Variants in ADAMTS12 observed in about 807,000 individuals in gnomAD.
The protein encoded by ADAMTS12 is ADAM metallopeptidase with thrombospondin type 1 motif 12, also known as A disintegrin and metalloproteinase with thrombospondin motifs 12.
Under a neutral mutation model 167.8 loss-of-function variants are expected in ADAMTS12, and 118 were observed. That is an observed-to-expected ratio of 0.70 (90% CI 0.61 to 0.82). ADAMTS12 has a LOEUF of 0.82. Among genes scored for constraint, ADAMTS12 ranks in the 40% least tolerant of loss-of-function variants. ADAMTS12 has a pLI of 0.00. For synonymous variants in ADAMTS12, 704 were observed against 716.9 expected, an observed-to-expected ratio of 0.98 and a Z score of 0.29; for missense variants, 1,916 against 1,998.8, an observed-to-expected ratio of 0.96 and a Z score of 0.79.
At chr5:33,880,460 GA>G in intron 2 of ADAMTS12, among the ~76,000 whole-genome samples, 1 of 152,292 alleles carries the variant, frequency 6.6e-6, no homozygotes, top group South Asian at 2.1e-4. Flanking sequence ...GTTGCAGTTT[GA>G]AAACAGCCAT....
At chr5:33,569,029 G>A (rs1345506306) in intron 19 of ADAMTS12, among the ~76,000 whole-genome samples, 3 of 152,234 alleles carry the variant, frequency 2.0e-5, no homozygotes, top group African/African-American at 4.8e-5. Context: ...CAAGGCGGCA[G>A]CAAGGCTGGG....
chr5:33,817,463 T>G (rs1044473784), intron 2 of ADAMTS12, among the ~76,000 whole-genome samples: 3 of 152,174 alleles, frequency 2.0e-5, no homozygotes, highest in Non-Finnish European at 4.4e-5. Flanking sequence ...TTAAACATCC[T>G]AATAGGAGTT....
intron 2 of ADAMTS12, among the ~76,000 whole-genome samples, chr5:33,756,676 C>G (rs895608257): frequency 1.2e-4 from 19 of 152,062 alleles, no homozygotes; most frequent in African/African-American, 4.3e-4. Context: ...GTGATGTCAT[C>G]AATTCATGAA....
At chr5:33,847,672 C>G (rs1749000395) in intron 2 of ADAMTS12, among the ~76,000 whole-genome samples, 1 of 151,794 alleles carries the variant, frequency 6.6e-6, no homozygotes, top group African/African-American at 2.4e-5. Flanking sequence ...AGGACTGGAT[C>G]AAACCCAGAA....
chr5:33,654,456 G>A (rs1426013837), intron 7 of ADAMTS12, among the ~76,000 whole-genome samples: 1 of 152,082 alleles, frequency 6.6e-6, no homozygotes, highest in African/African-American at 2.4e-5. Context: ...AGGGAGTGGG[G>A]CCACTGCTTC....
intron 3 of ADAMTS12, among the ~76,000 whole-genome samples, chr5:33,746,475 A>T (rs752075311): frequency 8.5e-5 from 13 of 152,232 alleles, no homozygotes; most frequent in Middle Eastern, 3.2e-3. Context: ...CGAATGTCTT[A>T]AATAAGAAGT....
At chr5:33,723,212 G>T (rs1298442980) in intron 3 of ADAMTS12, among the ~76,000 whole-genome samples, 1 of 152,074 alleles carries the variant, frequency 6.6e-6, no homozygotes, top group East Asian at 1.9e-4. Context: ...CTAATCTCAG[G>T]TCTTGTGTAA....
chr5:33,600,487 A>C (rs865946500), intron 16 of ADAMTS12, among the ~76,000 whole-genome samples: 1 of 152,242 alleles, frequency 6.6e-6, no homozygotes, highest in African/African-American at 2.4e-5. Context: ...TCAAAAATTC[A>C]GTTTAGACAA....
chr5:33,663,843 T>C (rs1472464606), intron 5 of ADAMTS12, among the ~76,000 whole-genome samples: 1 of 152,122 alleles, frequency 6.6e-6, no homozygotes, highest in African/African-American at 2.4e-5. Flanking sequence ...TTGGGAGAGG[T>C]CTCTTAGAGA....
At chr5:33,719,174 TG>T (rs1326272847) in intron 3 of ADAMTS12, among the ~76,000 whole-genome samples, 1 of 152,108 alleles carries the variant, frequency 6.6e-6, no homozygotes, top group Non-Finnish European at 1.5e-5. Context: ...GGAAGGTAGA[TG>T]GGTTGTGCCA....
chr5:33,657,055 G>A (rs1741085853), intron 7 of ADAMTS12, among the ~76,000 whole-genome samples: 1 of 152,158 alleles, frequency 6.6e-6, no homozygotes, highest in Non-Finnish European at 1.5e-5. Context: ...GAGGAAACAG[G>A]TATAGAGTGG....
At position 33,881,257 on chromosome 5, in the gene ADAMTS12, G is replaced by A. The variant is rs1309653194; in HGVS notation, c.351C>T (p.Tyr117=). The A allele has an allele frequency of 1.2e-6, 2 of 1,614,048 alleles. No homozygotes were observed. Among genetic ancestry groups the A allele is most frequent in the Non-Finnish European group, 1.7e-6 (2 of 1,180,042 alleles). Residue 117 remains tyrosine (Y), a synonymous_variant, in exon 2 of 24, where the codon TAC becomes TAT. Transcript: ENST00000504830. ...TVNQGFLSNS[Y]IMEKRYGNLS... is the part of the protein sequence containing the mutation. ...GGTTCCCATATCTCTTCTCCATGATGTAGCTATTGGAAAGAAATCCTTGAT... is the reference window on the plus strand; with the variant it reads ...GGTTCCCATATCTCTTCTCCATGATATAGCTATTGGAAAGAAATCCTTGAT...
chr5:33,662,198 T>C (rs1741283555), intron 5 of ADAMTS12, among the ~76,000 whole-genome samples, 158 bp from the exon 6 acceptor site: 1 of 152,198 alleles, frequency 6.6e-6, no homozygotes, highest in South Asian at 2.1e-4. Context: ...CTGACTCCTC[T>C]TGACTAATCT....
intron 2 of ADAMTS12, among the ~76,000 whole-genome samples, chr5:33,793,764 G>A (rs1746665572): frequency 6.6e-6 from 1 of 151,970 alleles, no homozygotes; most frequent in Non-Finnish European, 1.5e-5. Context: ...CACTCCCACC[G>A]TGCCCCCACC....
intron 14 of ADAMTS12, among the ~76,000 whole-genome samples, chr5:33,616,779 A>T (rs938445336): frequency 1.3e-5 from 2 of 152,238 alleles, no homozygotes; most frequent in African/African-American, 4.8e-5. Context: ...AAAGCATCAT[A>T]GGTTGACATT....
chr5:33,722,163 T>C lies in ADAMTS12; in HGVS notation c.634+29241A>G, dbSNP rs577831740. ...ATTTCCATCCAACTCAGATCATACA[T>C]TTTTATATTTGGACCTAAAGAAATG... On this transcript the variant is annotated intron_variant, in intron 3 of 23. Coordinates refer to ENST00000504830, the MANE Select transcript of ADAMTS12 (RefSeq NM_030955.4). Among the ~76,000 whole-genome samples the C allele has an allele frequency of 3.3e-5, 5 of 152,316 alleles. No individual in the cohort carries two copies. The South Asian group carries it at 1.0e-3, about 32-fold the overall frequency.
At chr5:33,665,362 G>A (rs2112224766) in intron 5 of ADAMTS12, among the ~76,000 whole-genome samples, 1 of 152,162 alleles carries the variant, frequency 6.6e-6, no homozygotes, top group African/African-American at 2.4e-5. Context: ...CTGTATATTT[G>A]AAAATTGCTA....
Position 33,648,974 on chromosome 5 carries a change from C to G in ADAMTS12, c.1335-8G>C, listed in dbSNP as rs770727782. 3.1e-6 allele frequency: 5 copies of G among 1,613,212 alleles called. No individual in the cohort carries two copies. The Admixed American group carries it at 8.3e-5, about 27-fold the overall frequency. On this transcript the variant is annotated splice_polypyrimidine_tract_variant and splice_region_variant and intron_variant, in intron 8 of 23. Transcript: ENST00000504830. The stretch of plus-strand genomic sequence containing the variant: ...CAGAACCCCCAGCCTCGGCTGAAAA[C>G]AAGTTAACAGAAATGAGAGGAGTTG...
chr5:33,795,165 A>T (rs1480272636), intron 2 of ADAMTS12, among the ~76,000 whole-genome samples: 1 of 152,224 alleles, frequency 6.6e-6, no homozygotes, highest in Non-Finnish European at 1.5e-5. Flanking sequence ...CACAGGACCC[A>T]TGGGCTGAAA....
Sources: gnomAD v4.1 joint callset for allele counts (sites outside exome capture counted in the v4.1 genomes callset) on GRCh38, gnomAD v4.1.1 for gene constraint, MANE v1.5 for transcripts, NCBI Gene and HGNC (gene_info 2026-07-23, HGNC 2026-07-21) for gene names.